PTPRM: variants seen among roughly 807,000 people sequenced by gnomAD.
The protein encoded by PTPRM is protein tyrosine phosphatase receptor type M.
In PTPRM, 47 loss-of-function variants were observed where a neutral mutation model predicts 186.7. That is an observed-to-expected ratio of 0.25 (90% CI 0.20 to 0.32). The LOEUF (loss-of-function observed/expected upper bound fraction) is 0.32, where lower values mean the gene tolerates loss of function less well. PTPRM is among the 10% of genes least tolerant of loss of function. The pLI is 1.00. For synonymous variants in PTPRM, 668 were observed against 674.9 expected, an observed-to-expected ratio of 0.99 and a Z score of 0.16; for missense variants, 1,494 against 1,865.0, an observed-to-expected ratio of 0.80 and a Z score of 3.66.
chr18:7,812,864 G>A lies in PTPRM; in HGVS notation c.196+38593G>A, dbSNP rs557897536. Among the ~76,000 whole-genome samples, 7 of 152,318 alleles carry A rather than the reference G, an allele frequency of 4.6e-5. No individual in the cohort carries two copies. In the South Asian group the frequency reaches 1.5e-3, roughly 32 times the overall value. ...GTGTATGAATGAGGCATGAAATGAT[G>A]CCATCAGAGCAGCAGTGGCGCAGAG... On this transcript the variant is annotated intron_variant, in intron 2 of 32. Coordinates refer to ENST00000580170, the MANE Select transcript of PTPRM (RefSeq NM_001105244.2).
At chr18:7,893,736 T>G (rs2049196425) in intron 3 of PTPRM, among the ~76,000 whole-genome samples, 1 of 152,106 alleles carries the variant, frequency 6.6e-6, no homozygotes, top group Non-Finnish European at 1.5e-5. Flanking sequence ...GTAAACAAAT[T>G]GAAATCATTG....
intron 23 of PTPRM, among the ~76,000 whole-genome samples, chr18:8,368,580 T>A (rs1336020748): frequency 6.6e-6 from 1 of 152,080 alleles, no homozygotes; most frequent in Non-Finnish European, 1.5e-5. Context: ...CAACTAAAGG[T>A]AATGAGGCTT....
At chr18:7,774,446 A>C (rs1163701225) in intron 2 of PTPRM, among the ~76,000 whole-genome samples, 175 bp downstream of exon 2, 2 of 152,204 alleles carry the variant, frequency 1.3e-5, no homozygotes, top group East Asian at 1.9e-4. Flanking sequence ...TAAAAGTTTT[A>C]TCTCTCTCCC....
chr18:7,888,474 A>AT, intron 3 of PTPRM, 97 bp downstream of exon 3: 9 of 1,373,606 alleles, frequency 6.6e-6, no homozygotes, highest in Non-Finnish European at 8.7e-6. Flanking sequence ...AGGTTGTTGT[A>AT]TTTTTGTTGG....
In PTPRM at chr18:8,248,138, G is replaced by A. The variant is rs768536074; in HGVS notation, c.2528-12G>A. The A allele has an allele frequency of 5.2e-6, 8 of 1,529,282 alleles. No individual in the cohort carries two copies. The highest frequency in any genetic ancestry group is 7.3e-6 in the Non-Finnish European group (8 of 1,103,004). The allele number at this position is 1,529,282 out of a possible 1,614,324, so 94.7% of individuals were successfully genotyped here. A position where few individuals can be genotyped will look rare whatever the true frequency, so the allele number is the denominator to read the frequency against. ...ACTTTCTCTGCATTGACCTGCTTACGGTGTATGACAGACCCATTTGTGCCA... is the reference window on the plus strand; with the variant it reads ...ACTTTCTCTGCATTGACCTGCTTACAGTGTATGACAGACCCATTTGTGCCA... On this transcript the variant is annotated splice_polypyrimidine_tract_variant and intron_variant, in intron 16 of 32. Coordinates refer to ENST00000580170, the MANE Select transcript of PTPRM (RefSeq NM_001105244.2).
intron 23 of PTPRM, among the ~76,000 whole-genome samples, chr18:8,346,807 T>G (rs2095507729): frequency 1.2e-4 from 1 of 8,268 alleles, no homozygotes; most frequent in South Asian, 2.1e-3. Context: ...TAATGACTAT[T>G]GAAAAAAAAA....
chr18:8,211,002 T>G lies in PTPRM; in HGVS notation c.2301-33056T>G, dbSNP rs148427884. On this transcript the variant is annotated intron_variant, in intron 14 of 32. Coordinates refer to ENST00000580170, the MANE Select transcript of PTPRM (RefSeq NM_001105244.2). ...ATTATGTAAGGTGAGGACTAAAAAG[T>G]GACCATTGGATTTAGCAACATGGAG... Among the ~76,000 whole-genome samples, 534 of 152,324 alleles carry G rather than the reference T, an allele frequency of 3.5e-3. 1 individual carries two copies. Among genetic ancestry groups the G allele is most frequent in the African/African-American group, 0.012 (491 of 41,562 alleles).
chr18:7,981,315 C>T (rs1053791257), intron 7 of PTPRM, among the ~76,000 whole-genome samples: 8 of 152,156 alleles, frequency 5.3e-5, no homozygotes, highest in African/African-American at 1.7e-4. Flanking sequence ...CTGAAATCTT[C>T]AGGAACCATA....
rs1345444390 is a variant in PTPRM at position 8,058,102 on chromosome 18, C to T, written c.1133-11584C>T. On this transcript the variant is annotated intron_variant, in intron 7 of 32. Transcript: ENST00000580170. Reference sequence around the variant, plus strand: ...AAAAGTGTTCCTATTTCTCCACATCCTCTCCAGCACCTGTTGTGTCCTGAC... The same window carrying T: ...AAAAGTGTTCCTATTTCTCCACATCTTCTCCAGCACCTGTTGTGTCCTGAC... 1.1e-3 allele frequency among the ~76,000 whole-genome samples: 140 copies of T among 128,000 alleles called. 1 individual carries two copies. The Middle Eastern group carries it at 0.041, about 38-fold the overall frequency. 84.0% of individuals were successfully genotyped at this position (128,000 alleles called of 152,430 possible). A position where few individuals can be genotyped will look rare whatever the true frequency, so the allele number is the denominator to read the frequency against.
At chr18:7,652,948 C>T (rs1003096289) in intron 1 of PTPRM, among the ~76,000 whole-genome samples, 8 of 151,700 alleles carry the variant, frequency 5.3e-5, no homozygotes, top group Non-Finnish European at 7.4e-5. Context: ...CCCAAATATA[C>T]GATTCTTAAA....
chr18:7,617,304 G>T (rs932167919), intron 1 of PTPRM, among the ~76,000 whole-genome samples: 1 of 152,136 alleles, frequency 6.6e-6, no homozygotes, highest in Non-Finnish European at 1.5e-5. Flanking sequence ...TTTGTAGGTT[G>T]AATAATTAGA....
At chr18:7,852,428 T>A (rs907453468) in intron 2 of PTPRM, among the ~76,000 whole-genome samples, 3 of 151,802 alleles carry the variant, frequency 2.0e-5, no homozygotes, top group African/African-American at 7.3e-5. Context: ...AAATTTTTTT[T>A]AGAAAAGAAA....
At chr18:7,692,827 G>C (rs1386409806) in intron 1 of PTPRM, among the ~76,000 whole-genome samples, 2 of 152,190 alleles carry the variant, frequency 1.3e-5, no homozygotes, top group Non-Finnish European at 2.9e-5. Flanking sequence ...TCTGGAAATG[G>C]CATTATTGTG....
chr18:8,024,919 A>G (rs1403933758), intron 7 of PTPRM, among the ~76,000 whole-genome samples: 1 of 151,746 alleles, frequency 6.6e-6, no homozygotes, highest in East Asian at 1.9e-4. Flanking sequence ...CCTGGACTCA[A>G]CCCATCCTCC....
intron 14 of PTPRM, among the ~76,000 whole-genome samples, chr18:8,223,691 G>A (rs910665029): frequency 6.6e-6 from 1 of 152,192 alleles, no homozygotes; most frequent in African/African-American, 2.4e-5. Flanking sequence ...TCTCCCCACA[G>A]AAGTCTAAGC....
chr18:7,762,356 G>C (rs903006535), intron 1 of PTPRM, among the ~76,000 whole-genome samples: 24 of 151,992 alleles, frequency 1.6e-4, no homozygotes, highest in African/African-American at 4.6e-4. Context: ...CTGAACAGGT[G>C]CAGGGACCGC....
chr18:7,943,710 C>T (rs543684529), intron 5 of PTPRM, among the ~76,000 whole-genome samples: 2 of 152,230 alleles, frequency 1.3e-5, no homozygotes, highest in African/African-American at 4.8e-5. Context: ...TCGTGATCCC[C>T]TCCTCACACT....
chr18:7,770,916 T>G (rs1052687148), intron 1 of PTPRM, among the ~76,000 whole-genome samples: 3 of 152,214 alleles, frequency 2.0e-5, no homozygotes, highest in Admixed American at 1.3e-4. Context: ...CTGGGAAATA[T>G]GAAATTCATA....
chr18:8,250,618 A>AAAT (rs935977146), intron 17 of PTPRM, among the ~76,000 whole-genome samples: 11 of 151,480 alleles, frequency 7.3e-5, no homozygotes, highest in Admixed American at 5.9e-4. Flanking sequence ...CCATCTCTTC[A>AAAT]AATAATAATA....
Sources: allele counts gnomAD v4.1 joint callset (sites outside exome capture counted in the v4.1 genomes callset), GRCh38; gene constraint gnomAD v4.1.1; transcripts MANE v1.5; gene names NCBI Gene and HGNC (gene_info 2026-07-23, HGNC 2026-07-21).